ART4: variants seen among roughly 807,000 people sequenced by gnomAD.
ART4 encodes the protein ADP-ribosyltransferase 4 (inactive) (Dombrock blood group).
ART4 carries 14 observed loss-of-function variants against 24.2 expected under a neutral mutation model. That is an observed-to-expected ratio of 0.58 (90% confidence interval 0.38 to 0.90). The LOEUF is 0.90. Among genes scored for constraint, ART4 ranks in the 40% least tolerant of loss-of-function variants. The pLI is 0.00. For missense variants in ART4, 356 were observed against 366.6 expected (o/e 0.97, Z 0.24); for synonymous variants, 145 against 139.9 (o/e 1.04, Z -0.26).
In ART4 at chr12:14,841,201, G is replaced by C. The variant is rs751556309; in HGVS notation, c.145-48C>G. 3.3e-6 allele frequency: 5 copies of C among 1,516,610 alleles called. No homozygotes were observed. In the African/African-American group the frequency reaches 5.6e-5, roughly 17 times the overall value. The allele number at this position is 1,516,610 out of a possible 1,614,324, so 93.9% of individuals were successfully genotyped here. On this transcript the variant is annotated intron_variant, in intron 1 of 2. Coordinates refer to ENST00000228936, the MANE Select transcript of ART4 (RefSeq NM_021071.4). ...AGTTTAATTTTTCAAATCAGATGGT[G>C]AATGTGGTTGCAGATTTGCTGTACT...
rs185645133 is a variant in ART4, at chr12:14,829,586, A to G, written c.854-124T>C. ...CTAATAAAAACATTTGAAGTTAGCT[A>G]CTTAAAACACATTATTTTAGATTTT... On this transcript the variant is annotated intron_variant, in intron 2 of 2. Transcript: ENST00000228936. 6.3e-6 allele frequency: 4 copies of G among 638,004 alleles called. No homozygotes were observed. In the East Asian group the frequency reaches 1.3e-4, roughly 21 times the overall value. 39.5% of individuals were successfully genotyped at this position (638,004 alleles called of 1,614,324 possible).
chr12:14,841,793 C>T (rs183376990), intron 1 of ART4, among the ~76,000 whole-genome samples: 5 of 152,146 alleles, frequency 3.3e-5, no homozygotes, highest in African/African-American at 9.7e-5. Flanking sequence ...AGAATGGGAC[C>T]GACTCGTTTG....
intron 2 of ART4, among the ~76,000 whole-genome samples, chr12:14,836,257 A>G (rs1435219572): frequency 1.3e-5 from 2 of 152,124 alleles, no homozygotes; most frequent in East Asian, 3.8e-4. Context: ...CTTTTCATTC[A>G]AAGGAGGCGC....
In ART4 at chr12:14,829,395, G is replaced by T. The variant is rs1950378995; in HGVS notation, c.921C>A (p.Ile307=). ...IASLSFLTSV[I]IFSKSRV ...TTTATACTCTGCTTTTGGAAAAGAT[G>T]ATGACACTGGTCAAAAAGGAGAGAG... Residue 307 remains isoleucine, a synonymous_variant, in exon 3 of 3, where the codon ATC becomes ATA. Transcript: ENST00000228936. 6.2e-7 allele frequency: 1 copy of T among 1,605,280 alleles called. No individual in the cohort carries two copies. The highest frequency in any genetic ancestry group is 8.5e-7 in the Non-Finnish European group (1 of 1,176,404).
chr12:14,829,082 C>T lies in ART4; in HGVS notation c.*289G>A. ...AAGAAATATACTGATTGGCTAAGGC[C>T]TGAGTTACAGGCCAATCACAGTCAG... On this transcript the variant is annotated 3_prime_UTR_variant, in exon 3 of 3. Coordinates refer to ENST00000228936, the MANE Select transcript of ART4 (RefSeq NM_021071.4). 4.3e-6 allele frequency: 1 copy of T among 232,516 alleles called. No homozygotes were observed. Among genetic ancestry groups the T allele is most frequent in the Non-Finnish European group, 8.2e-6 (1 of 122,570 alleles). The allele number at this position is 232,516 out of a possible 1,614,324, so 14.4% of individuals were successfully genotyped here. A position where few individuals can be genotyped will look rare whatever the true frequency, so the allele number is the denominator to read the frequency against.
At chr12:14,841,197 T>C in intron 1 of ART4, 44 bp from the exon 2 acceptor site, 2 of 1,522,946 alleles carry the variant, frequency 1.3e-6, no homozygotes, top group Non-Finnish European at 1.8e-6. Context: ...TCAAATCAGA[T>C]GGTGAATGTG....
chr12:14,840,438 A>G lies in ART4; in HGVS notation c.853+7T>C. The G allele has an allele frequency of 2.5e-6, 4 of 1,588,840 alleles. No homozygotes were observed. Among genetic ancestry groups the G allele is most frequent in the Non-Finnish European group, 3.4e-6 (4 of 1,170,634 alleles). ...TCCTGAGTGGCCTCAATTTAGATAA[A>G]GAATACCTTTTAGCAGCTGACAGTT... On this transcript the variant is annotated splice_region_variant and intron_variant, in intron 2 of 2. Coordinates refer to ENST00000228936, the MANE Select transcript of ART4 (RefSeq NM_021071.4).
At chr12:14,838,275 T>C (rs553246475) in intron 2 of ART4, among the ~76,000 whole-genome samples, 24 of 152,250 alleles carry the variant, frequency 1.6e-4, no homozygotes, top group African/African-American at 5.8e-4. Flanking sequence ...GTTTATAGAG[T>C]GGCAGAATGT....
intron 2 of ART4, 34 bp from the exon 3 acceptor site, chr12:14,829,496 T>C (rs745313271): frequency 3.3e-6 from 5 of 1,525,950 alleles, no homozygotes; most frequent in Non-Finnish European, 4.5e-6. Context: ...ATATTTTAGG[T>C]AGCAGAGTTT....
At chr12:14,835,984 T>C (rs1207491104) in intron 2 of ART4, among the ~76,000 whole-genome samples, 10 of 152,140 alleles carry the variant, frequency 6.6e-5, no homozygotes, top group Admixed American at 6.5e-4. Context: ...CCTTTATCCT[T>C]AGTGGATACA....
In ART4 at chr12:14,833,890, C is replaced by G. The variant is rs188918762; in HGVS notation, c.854-4428G>C. On this transcript the variant is annotated intron_variant, in intron 2 of 2. Coordinates refer to ENST00000228936, the MANE Select transcript of ART4 (RefSeq NM_021071.4). ...TATTACCTAGCAAAAACTTAGCACCCGAAAATGAAAAGCGTTATTCCTTCT... is the reference window on the plus strand; with the variant it reads ...TATTACCTAGCAAAAACTTAGCACCGGAAAATGAAAAGCGTTATTCCTTCT... Among the ~76,000 whole-genome samples, 4 of 152,228 alleles carry G rather than the reference C, an allele frequency of 2.6e-5. No homozygotes were observed. In the East Asian group the frequency reaches 7.7e-4, roughly 29 times the overall value.
intron 2 of ART4, among the ~76,000 whole-genome samples, chr12:14,831,770 T>TCAACA (rs1447938159): frequency 6.6e-6 from 1 of 152,026 alleles, no homozygotes; most frequent in Admixed American, 6.6e-5. Flanking sequence ...AACTGTCCAC[T>TCAACA]CAACATCTCT....
chr12:14,832,588 G>T (rs976768133), intron 2 of ART4, among the ~76,000 whole-genome samples: 1 of 151,684 alleles, frequency 6.6e-6, no homozygotes, highest in African/African-American at 2.4e-5. Context: ...AATCCCCAAG[G>T]GCAGGGATTT....
chr12:14,833,534 C>G (rs1359915898), intron 2 of ART4, among the ~76,000 whole-genome samples: 1 of 152,184 alleles, frequency 6.6e-6, no homozygotes, highest in Non-Finnish European at 1.5e-5. Context: ...ACCTGACTTA[C>G]AGGGTGATTG....
rs1359068786 is a variant in ART4 at position 14,829,355 on chromosome 12, G to T, written c.*16C>A. ...TTTAAATATTTTTTTTAAATAAAAG[G>T]AGCCACAAGATTTCTTTATACTCTG... On this transcript the variant is annotated 3_prime_UTR_variant, in exon 3 of 3. Transcript: ENST00000228936. The T allele has an allele frequency of 3.4e-6, 5 of 1,485,568 alleles. No individual in the cohort carries two copies. The highest frequency in any genetic ancestry group is 4.5e-5 in the Admixed American group (2 of 44,444). 92.0% of individuals were successfully genotyped at this position (1,485,568 alleles called of 1,614,324 possible).
intron 2 of ART4, among the ~76,000 whole-genome samples, chr12:14,830,119 A>AGTGTGTGTGTGT (rs113436435): frequency 0.054 from 7,803 of 145,628 alleles, 264 homozygotes; most frequent in Non-Finnish European, 0.08. Flanking sequence ...TCCTGTTTGG[A>AGTGTGTGTGTGT]GTGTGTGTGT....
At chr12:14,835,728 C>T (rs1304217660) in intron 2 of ART4, among the ~76,000 whole-genome samples, 1 of 151,994 alleles carries the variant, frequency 6.6e-6, no homozygotes, top group Admixed American at 6.6e-5. Flanking sequence ...GCCTCAGCCT[C>T]CTGAGTAGCT....
chr12:14,831,317 T>A (rs939000846), intron 2 of ART4, among the ~76,000 whole-genome samples: 25 of 149,448 alleles, frequency 1.7e-4, no homozygotes, highest in African/African-American at 5.7e-4. Flanking sequence ...TCACCCAGGC[T>A]AGAGTACAGC....
chr12:14,828,133 A>G lies in ART4; in HGVS notation c.*1238T>C, dbSNP rs991428059. 5 of 152,156 alleles carry G rather than the reference A, an allele frequency of 3.3e-5. No individual in the cohort carries two copies. The highest frequency in any genetic ancestry group is 6.5e-5 in the Admixed American group (1 of 15,270). 9.4% of individuals were successfully genotyped at this position (152,156 alleles called of 1,614,324 possible). ...GACATTTCCAGCTATACAATTCAAC[A>G]ATTTATACTTCTTTGCATGTACTAG... On this transcript the variant is annotated 3_prime_UTR_variant, in exon 3 of 3. Coordinates refer to ENST00000228936, the MANE Select transcript of ART4 (RefSeq NM_021071.4).
Sources: gnomAD v4.1 joint callset for allele counts (sites outside exome capture counted in the v4.1 genomes callset) on GRCh38, gnomAD v4.1.1 for gene constraint, MANE v1.5 for transcripts, NCBI Gene and HGNC (gene_info 2026-07-23, HGNC 2026-07-21) for gene names.